NEK11: variants seen among roughly 807,000 people sequenced by gnomAD.
NEK11 encodes the protein serine/threonine-protein kinase Nek11.
A neutral mutation model predicts 80.7 loss-of-function variants in NEK11; 72 were observed. That is an observed-to-expected ratio of 0.89 (90% CI 0.74 to 1.08). The LOEUF (loss-of-function observed/expected upper bound fraction) is 1.08. Ranked by LOEUF, NEK11 falls within the 50% of genes least tolerant of loss-of-function variation. The pLI, the probability that NEK11 is intolerant of heterozygous loss-of-function variation, is 0.00. For missense variants in NEK11, 764 were observed against 763.6 expected (o/e 1.00, Z -0.01); for synonymous variants, 251 against 260.7 (o/e 0.96, Z 0.36).
intron 14 of NEK11, among the ~76,000 whole-genome samples, chr3:131,176,235 C>A (rs1226179045): frequency 6.6e-6 from 1 of 152,150 alleles, no homozygotes; most frequent in African/African-American, 2.4e-5. Flanking sequence ...CAATGCCCAG[C>A]CCAAGATGGA....
chr3:131,078,683 T>A (rs988501849), intron 3 of NEK11, among the ~76,000 whole-genome samples: 7 of 152,150 alleles, frequency 4.6e-5, no homozygotes, highest in Non-Finnish European at 7.4e-5. Context: ...ATCACATTTT[T>A]AAAAATGGTA....
chr3:131,137,448 C>T (rs1247516079), intron 7 of NEK11, among the ~76,000 whole-genome samples: 1 of 152,108 alleles, frequency 6.6e-6, no homozygotes, highest in Non-Finnish European at 1.5e-5. Context: ...GCTTCATCAG[C>T]TCCCTCCTGG....
At chr3:131,322,657 G>A (rs1469362314) in intron 17 of NEK11, among the ~76,000 whole-genome samples, 2 of 152,196 alleles carry the variant, frequency 1.3e-5, no homozygotes, top group East Asian at 3.9e-4. Flanking sequence ...GAGGAGGGGT[G>A]AGAGATTCTG....
chr3:131,154,651 G>A (rs1016559313), intron 9 of NEK11, among the ~76,000 whole-genome samples: 1 of 152,160 alleles, frequency 6.6e-6, no homozygotes, highest in Non-Finnish European at 1.5e-5. Context: ...TGCCCTCTTA[G>A]ATTTTGTGCC....
chr3:131,124,369 A>C (rs1283454300), intron 5 of NEK11, among the ~76,000 whole-genome samples: 1 of 152,222 alleles, frequency 6.6e-6, no homozygotes, highest in Non-Finnish European at 1.5e-5. Flanking sequence ...ATTTTTGTCC[A>C]GCAGAGATGC....
At chr3:131,304,936 C>T (rs2096706976) in intron 17 of NEK11, among the ~76,000 whole-genome samples, 1 of 151,990 alleles carries the variant, frequency 6.6e-6, no homozygotes, top group African/African-American at 2.4e-5. Flanking sequence ...GGCATTCCTG[C>T]ACCCACTCGT....
chr3:131,273,348 A>G (rs2096234375), intron 16 of NEK11, 130 bp from the exon 17 acceptor site: 2 of 623,218 alleles, frequency 3.2e-6, no homozygotes, highest in Admixed American at 2.7e-5. Flanking sequence ...AATTGAATTC[A>G]TCTCTAATTA....
At chr3:131,335,711 A>C (rs1561603169) in intron 17 of NEK11, among the ~76,000 whole-genome samples, 1 of 152,352 alleles carries the variant, frequency 6.6e-6, no homozygotes, top group Non-Finnish European at 1.5e-5. Context: ...TTGTATATCT[A>C]GAAAACCCCA....
At chr3:131,252,173 A>C (rs2095716365) in intron 16 of NEK11, among the ~76,000 whole-genome samples, 1 of 152,120 alleles carries the variant, frequency 6.6e-6, no homozygotes, top group Non-Finnish European at 1.5e-5. Context: ...GGACAATTTA[A>C]GCTTAAGTAT....
intron 9 of NEK11, among the ~76,000 whole-genome samples, chr3:131,153,483 C>T (rs923076554): frequency 3.3e-5 from 5 of 152,034 alleles, no homozygotes; most frequent in African/African-American, 9.7e-5. Flanking sequence ...AAATGGTCCC[C>T]TCTTTAGAGG....
At chr3:131,213,134 G>A (rs1418215892) in intron 14 of NEK11, among the ~76,000 whole-genome samples, 1 of 151,920 alleles carries the variant, frequency 6.6e-6, no homozygotes, top group Non-Finnish European at 1.5e-5. Flanking sequence ...GGACTTGCCA[G>A]CCCCCATAAT....
In NEK11 at chr3:131,282,445, A is replaced by C. The variant is rs370263111; in HGVS notation, c.1718+8871A>C. ...TCATGCCCTGGTATATTGAATGGCT[A>C]CCACAGTGCATGCCACTGCTGATGG... On this transcript the variant is annotated intron_variant, in intron 17 of 17. Transcript: ENST00000383366. Among the ~76,000 whole-genome samples, 38 of 152,258 alleles carry C rather than the reference A, an allele frequency of 2.5e-4. 1 individual carries two copies. The South Asian group carries it at 7.5e-3, about 30-fold the overall frequency.
chr3:131,165,528 C>A lies in NEK11; in HGVS notation c.1176+9C>A. On this transcript the variant is annotated intron_variant, in intron 12 of 17. Coordinates refer to ENST00000383366, the MANE Select transcript of NEK11 (RefSeq NM_024800.5). ...GTGTTGATGTACTCCATGTAAGTACCCTCTTATTTTAAATTTTACATAAAA... is the reference window on the plus strand; with the variant it reads ...GTGTTGATGTACTCCATGTAAGTACACTCTTATTTTAAATTTTACATAAAA... 1 of 1,548,462 alleles carries A rather than the reference C, an allele frequency of 6.5e-7. No individual in the cohort carries two copies. The highest frequency in any genetic ancestry group is 8.8e-7 in the Non-Finnish European group (1 of 1,131,858).
intron 17 of NEK11, among the ~76,000 whole-genome samples, chr3:131,281,779 T>G (rs2096399942): frequency 6.6e-6 from 1 of 152,244 alleles, no homozygotes; most frequent in Non-Finnish European, 1.5e-5. Flanking sequence ...TGCCTGTCTG[T>G]CTGTCTGCCT....
In NEK11 at chr3:131,072,782, C is replaced by T. The variant is rs11926322; in HGVS notation, c.171-7641C>T. Among the ~76,000 whole-genome samples, 741 of 152,236 alleles carry T rather than the reference C, an allele frequency of 4.9e-3. 11 individuals are homozygous for T. Among genetic ancestry groups the T allele is most frequent in the African/African-American group, 0.017 (696 of 41,546 alleles). On this transcript the variant is annotated intron_variant, in intron 3 of 17. Coordinates refer to ENST00000383366, the MANE Select transcript of NEK11 (RefSeq NM_024800.5). ...AGAAGAGGGAAGGGCAATTTTTTCT[C>T]CACTCTTCTACGAGACAGCCCCAGC...
At chr3:131,230,332 C>T (rs972180500) in intron 15 of NEK11, among the ~76,000 whole-genome samples, 10 of 152,108 alleles carry the variant, frequency 6.6e-5, no homozygotes, top group African/African-American at 2.2e-4. Context: ...GTCTTTATAA[C>T]TTGCAGTTTG....
chr3:131,038,111 A>G (rs1353742500), intron 3 of NEK11, among the ~76,000 whole-genome samples: 1 of 152,152 alleles, frequency 6.6e-6, no homozygotes, highest in African/African-American at 2.4e-5. Flanking sequence ...AAGAGAAAGT[A>G]TAACATGAAA....
chr3:131,193,202 T>A (rs926532993), intron 14 of NEK11, among the ~76,000 whole-genome samples: 1 of 152,184 alleles, frequency 6.6e-6, no homozygotes, highest in African/African-American at 2.4e-5. Context: ...TTTTACCTTT[T>A]TTTTAGCGAC....
intron 5 of NEK11, among the ~76,000 whole-genome samples, chr3:131,125,262 T>C (rs2083117643): frequency 6.6e-6 from 1 of 152,188 alleles, no homozygotes; most frequent in Admixed American, 6.5e-5. Context: ...TTCTTTAAAA[T>C]GTTGTTAGTC....
Sources: allele counts gnomAD v4.1 joint callset (sites outside exome capture counted in the v4.1 genomes callset), GRCh38; gene constraint gnomAD v4.1.1; transcripts MANE v1.5; gene names NCBI Gene and HGNC (gene_info 2026-07-23, HGNC 2026-07-21).